Variants in ADCY2 observed in about 807,000 individuals in gnomAD.
ADCY2 encodes the protein adenylate cyclase 2.
In ADCY2, 31 loss-of-function variants were observed where a neutral mutation model predicts 125.2. That is an observed-to-expected ratio of 0.25 (90% CI 0.19 to 0.33). ADCY2 has a LOEUF of 0.33. Ranked by LOEUF, ADCY2 falls within the 10% of genes least tolerant of loss-of-function variation. The probability of loss-of-function intolerance (pLI) is 1.00; values close to 1 mark genes in which losing one functional copy is unlikely to be tolerated. For missense variants in ADCY2, 904 were observed against 1,418.2 expected, an observed-to-expected ratio of 0.64 and a Z score of 5.82; for synonymous variants, 512 against 548.4, an observed-to-expected ratio of 0.93 and a Z score of 0.93.
At chr5:7,740,754 A>T (rs965123203) in intron 14 of ADCY2, among the ~76,000 whole-genome samples, 2 of 152,118 alleles carry the variant, frequency 1.3e-5, no homozygotes, top group African/African-American at 4.8e-5. Context: ...TAGGCTTTTT[A>T]GAAAAGAGTT....
At chr5:7,650,564 TTCCTCCTTCCTGAG>T (rs1235550885) in intron 4 of ADCY2, among the ~76,000 whole-genome samples, 16 of 152,234 alleles carry the variant, frequency 1.1e-4, no homozygotes, top group African/African-American at 3.8e-4. Flanking sequence ...CACAGAGGCC[TTCCTCCTTCCTGAG>T]CCCACTGCGT....
At chr5:7,542,010 G>C (rs1269944060) in intron 3 of ADCY2, among the ~76,000 whole-genome samples, 1 of 152,098 alleles carries the variant, frequency 6.6e-6, no homozygotes, top group Admixed American at 6.5e-5. Flanking sequence ...ACTTTTCCAA[G>C]CACTTTACAC....
At chr5:7,484,756 G>T (rs926033205) in intron 2 of ADCY2, among the ~76,000 whole-genome samples, 1 of 152,070 alleles carries the variant, frequency 6.6e-6, no homozygotes, top group African/African-American at 2.4e-5. Context: ...CAGCTACCCA[G>T]CTGTTTTTGT....
intron 3 of ADCY2, among the ~76,000 whole-genome samples, chr5:7,535,919 T>C (rs989783797): frequency 6.6e-6 from 1 of 152,218 alleles, no homozygotes; most frequent in Admixed American, 6.5e-5. Flanking sequence ...CACCTAACTT[T>C]AGCTATTTAA....
intron 15 of ADCY2, among the ~76,000 whole-genome samples, chr5:7,752,175 A>G (rs747189591): frequency 5.9e-5 from 9 of 151,716 alleles, no homozygotes; most frequent in Non-Finnish European, 1.0e-4. Flanking sequence ...GATTGGCATA[A>G]AGAAGTCTTC....
chr5:7,728,143 G>A (rs1465896704), intron 14 of ADCY2, among the ~76,000 whole-genome samples: 3 of 151,908 alleles, frequency 2.0e-5, no homozygotes, highest in East Asian at 3.9e-4. Flanking sequence ...GTTTGCTTGC[G>A]TTTAACTCTC....
chr5:7,495,177 G>T (rs1479748096), intron 2 of ADCY2, among the ~76,000 whole-genome samples: 5 of 152,158 alleles, frequency 3.3e-5, no homozygotes, highest in Non-Finnish European at 7.3e-5. Context: ...ATGTATGTTA[G>T]CCCTAATCAC....
At chr5:7,688,694 AT>A (rs1740611772) in intron 4 of ADCY2, among the ~76,000 whole-genome samples, 1 of 152,134 alleles carries the variant, frequency 6.6e-6, no homozygotes, top group Non-Finnish European at 1.5e-5. Flanking sequence ...CAATTATTCC[AT>A]CTATTAATCA....
chr5:7,815,811 A>G (rs779738948), intron 22 of ADCY2, among the ~76,000 whole-genome samples: 31 of 152,292 alleles, frequency 2.0e-4, no homozygotes, highest in Non-Finnish European at 3.4e-4. Context: ...TACCCTCCAT[A>G]TTAGTTTGCT....
At chr5:7,627,229 T>C (rs1037881941) in intron 4 of ADCY2, among the ~76,000 whole-genome samples, 3 of 152,072 alleles carry the variant, frequency 2.0e-5, no homozygotes, top group Non-Finnish European at 2.9e-5. Flanking sequence ...AGGGGCATCC[T>C]AGGTTGATTG....
chr5:7,755,534 T>C (rs527992167), intron 15 of ADCY2, among the ~76,000 whole-genome samples: 1 of 152,292 alleles, frequency 6.6e-6, no homozygotes, highest in Admixed American at 6.5e-5. Flanking sequence ...TTCATTGAAA[T>C]AACAGGAAGA....
intron 14 of ADCY2, among the ~76,000 whole-genome samples, chr5:7,736,494 T>C (rs1164755625): frequency 6.6e-6 from 1 of 152,166 alleles, no homozygotes; most frequent in Non-Finnish European, 1.5e-5. Flanking sequence ...CTCTATTCCT[T>C]TATCAGCTCT....
chr5:7,483,180 A>G lies in ADCY2; in HGVS notation c.409-37558A>G, dbSNP rs1003283724. 2.0e-5 allele frequency among the ~76,000 whole-genome samples: 3 copies of G among 152,226 alleles called. No homozygotes were observed. The South Asian group carries it at 6.2e-4, about 32-fold the overall frequency. On this transcript the variant is annotated intron_variant, in intron 2 of 24. Transcript: ENST00000338316. ...AGAAGAGAAGAATTAGAATATTTCC[A>G]ACAAAAAATGACAAATGTTTGAGGT...
At chr5:7,563,684 A>T (rs1200549172) in intron 3 of ADCY2, among the ~76,000 whole-genome samples, 1 of 152,180 alleles carries the variant, frequency 6.6e-6, no homozygotes, top group Non-Finnish European at 1.5e-5. Flanking sequence ...GGTATCGTAT[A>T]TGAGAACACA....
chr5:7,576,647 G>A (rs1403589624), intron 3 of ADCY2, among the ~76,000 whole-genome samples: 1 of 152,158 alleles, frequency 6.6e-6, no homozygotes, highest in African/African-American at 2.4e-5. Flanking sequence ...TGTTTTAAAT[G>A]AACCAAACTG....
intron 4 of ADCY2, among the ~76,000 whole-genome samples, chr5:7,677,853 A>C (rs1740186418): frequency 6.6e-6 from 1 of 152,168 alleles, no homozygotes; most frequent in Non-Finnish European, 1.5e-5. Context: ...ATGCTTCCTA[A>C]ACCAAGCCAG....
chr5:7,445,446 A>G (rs1174617880), intron 2 of ADCY2, among the ~76,000 whole-genome samples: 1 of 152,216 alleles, frequency 6.6e-6, no homozygotes, highest in African/African-American at 2.4e-5. Flanking sequence ...TGGAAATTAT[A>G]TGTTTAATAT....
chr5:7,523,816 T>C (rs539241915), intron 3 of ADCY2, among the ~76,000 whole-genome samples: 2 of 152,212 alleles, frequency 1.3e-5, no homozygotes, highest in Admixed American at 1.3e-4. Context: ...AAAATAAGGA[T>C]ACTGGCCTGA....
At chr5:7,417,037 T>C (rs997729154) in intron 2 of ADCY2, among the ~76,000 whole-genome samples, 2 of 152,218 alleles carry the variant, frequency 1.3e-5, no homozygotes, top group African/African-American at 4.8e-5. Flanking sequence ...ATTTTTGTTA[T>C]GAAAGATATT....
Sources: allele counts gnomAD v4.1 joint callset (sites outside exome capture counted in the v4.1 genomes callset), GRCh38; gene constraint gnomAD v4.1.1; transcripts MANE v1.5; gene names NCBI Gene and HGNC (gene_info 2026-07-23, HGNC 2026-07-21).